The following TBC1D9B variants were observed in gnomAD, a reference collection of about 807,000 sequenced individuals.
The protein encoded by TBC1D9B is TBC1 domain family member 9B.
Under a neutral mutation model 121.1 loss-of-function variants are expected in TBC1D9B, and 87 were observed. The observed-to-expected ratio is 0.72, with a 90% CI of 0.60 to 0.86. The LOEUF (loss-of-function observed/expected upper bound fraction) is 0.86. TBC1D9B is among the 40% of genes least tolerant of loss of function. TBC1D9B has a pLI of 0.00. For missense variants in TBC1D9B, 1,540 were observed against 1,628.6 expected (o/e 0.95, Z 0.94); for synonymous variants, 668 against 670.1 (o/e 1.00, Z 0.05).
chr5:179,886,366 C>T (rs143348922), intron 7 of TBC1D9B, among the ~76,000 whole-genome samples: 17 of 152,264 alleles, frequency 1.1e-4, no homozygotes, highest in Admixed American at 2.6e-4. Flanking sequence ...TGCATGAAGC[C>T]GAGTGCCTGG....
chr5:179,870,482 G>T lies in TBC1D9B; in HGVS notation c.2498C>A (p.Ala833Asp). 6.2e-7 allele frequency: 1 copy of T among 1,609,530 alleles called. No individual in the cohort carries two copies. Reference sequence around the variant, plus strand: ...GCGGCTGCACCCCCAGTACTGGCTAGCCAGGTGCTTGGCCTGTGGGACACG... The same window carrying T: ...GCGGCTGCACCCCCAGTACTGGCTATCCAGGTGCTTGGCCTGTGGGACACG... ...LYMVFKAKHL[A>D]SQYWGCSRTM... The change falls in exon 16 of 21, where the codon GCT (alanine) becomes GAT (aspartate). Residue 833 changes from alanine (A) to aspartate (D), a missense_variant. Transcript: ENST00000355235.
rs770380439 is a variant in TBC1D9B, at chr5:179,907,783, C to T, written c.39G>A (p.Ala13=). 4.8e-5 allele frequency: 59 copies of T among 1,227,244 alleles called. 1 individual carries two copies. In the African/African-American group the frequency reaches 9.2e-4, roughly 19 times the overall value. 76.0% of individuals were successfully genotyped at this position (1,227,244 alleles called of 1,614,324 possible). A position where few individuals can be genotyped will look rare whatever the true frequency, so the allele number is the denominator to read the frequency against. The change falls in exon 1 of 21, where the codon GCG becomes GCA. Residue 13 remains alanine (A), a synonymous_variant. Transcript: ENST00000355235. This position sits in a 1 kb window ranked among gnomAD's most constrained non-coding sequence, Gnocchi z 5.3. ...GGTTGGCCCGCTCCGTCACCCACAG[C>T]GCATTGGCCACCAGCACCTCCTCCG... ...LSPEEVLVAN[A]LWVTERANPF...
At chr5:179,877,410 C>T (rs1418758213) in intron 10 of TBC1D9B, among the ~76,000 whole-genome samples, 1 of 150,802 alleles carries the variant, frequency 6.6e-6, no homozygotes, top group Non-Finnish European at 1.5e-5. Context: ...CGCCTGTAAT[C>T]CCAGCACTTT....
chr5:179,879,115 T>A lies in TBC1D9B; in HGVS notation c.1499A>T (p.Lys500Met). ...ACCCTTCAGGACCAGTGCCCGCGTC[T>A]TGGCTGTGCGGTACATGCACACGCC... ...GRGVCMYRTA[K>M]TRALVLKGIP... Residue 500 changes from lysine to methionine, a missense_variant, in exon 9 of 21, where the codon AAG becomes ATG. Coordinates refer to ENST00000355235, the MANE Select transcript of TBC1D9B (RefSeq NM_015043.4). 1 of 1,608,076 alleles carries A rather than the reference T, an allele frequency of 6.2e-7. No individual in the cohort carries two copies.
intron 17 of TBC1D9B, 174 bp from the exon 18 acceptor site, chr5:179,868,023 G>C (rs1275473060): frequency 4.1e-6 from 2 of 485,188 alleles, no homozygotes; most frequent in Non-Finnish European, 6.9e-6. Flanking sequence ...GATTGGTTCT[G>C]GTTATTTGTT....
intron 5 of TBC1D9B, among the ~76,000 whole-genome samples, chr5:179,892,491 G>A (rs1760894781): frequency 1.3e-5 from 2 of 152,246 alleles, no homozygotes; most frequent in South Asian, 4.1e-4. Flanking sequence ...CAGAGATCTT[G>A]TCCAGCCTCT....
intron 10 of TBC1D9B, among the ~76,000 whole-genome samples, chr5:179,877,270 A>G (rs147803780): frequency 0.011 from 1,646 of 151,856 alleles, 32 homozygotes; most frequent in African/African-American, 0.038. Context: ...GGAGGCTGAG[A>G]CCGGAAGATC....
Position 179,879,730 on chromosome 5 carries a change from G to C in TBC1D9B, c.1314C>G (p.Ser438Arg). 1 of 1,614,166 alleles carries C rather than the reference G, an allele frequency of 6.2e-7. No homozygotes were observed. The highest frequency in any genetic ancestry group is 8.5e-7 in the Non-Finnish European group (1 of 1,180,026). Residue 438 changes from serine (S) to arginine (R), a missense_variant, in exon 8 of 21, where the codon AGC becomes AGG. Coordinates refer to ENST00000355235, the MANE Select transcript of TBC1D9B (RefSeq NM_015043.4). ...EQPASPASPL[S>R]SRQSFCAQEA... ...CCTGCGCACAGAAGCTCTGGCGGCT[G>C]CTGAGGGGAGAGGCTGGGCTGGCGG...
Position 179,879,186 on chromosome 5 carries a change from C to G in TBC1D9B, c.1428G>C (p.Lys476Asn). 1 of 1,601,610 alleles carries G rather than the reference C, an allele frequency of 6.2e-7. No individual in the cohort carries two copies. Among genetic ancestry groups the G allele is most frequent in the Non-Finnish European group, 8.5e-7 (1 of 1,178,936 alleles). Residue 476 changes from lysine to asparagine, a missense_variant, in exon 9 of 21, where the codon AAG (lysine) becomes AAC (asparagine). Transcript: ENST00000355235. ...EDLGAKGAKE[K>N]MKEESWHIHF... ...GGATGTGCCATGACTCCTCTTTCAT[C>G]TTCTCCTTGGCCTGAGGGAAAAGCG...
Position 179,901,192 on chromosome 5 carries a change from A to T in TBC1D9B, c.230-1885T>A, listed in dbSNP as rs995278494. Among the ~76,000 whole-genome samples the T allele has an allele frequency of 5.3e-4, 80 of 152,264 alleles. 1 individual carries two copies. Among genetic ancestry groups the T allele is most frequent in the African/African-American group, 1.8e-3 (74 of 41,540 alleles). On this transcript the variant is annotated intron_variant, in intron 2 of 20. Coordinates refer to ENST00000355235, the MANE Select transcript of TBC1D9B (RefSeq NM_015043.4). Reference sequence around the variant, plus strand: ...GCAGTGAGTCACAAAAGGCCCCCAGAATTACTCCTGGAAGCCCCTTAAGTC... The same window carrying T: ...GCAGTGAGTCACAAAAGGCCCCCAGTATTACTCCTGGAAGCCCCTTAAGTC...
intron 10 of TBC1D9B, among the ~76,000 whole-genome samples, chr5:179,877,141 T>C (rs1190313180): frequency 2.7e-5 from 4 of 149,994 alleles, no homozygotes; most frequent in African/African-American, 9.9e-5. Flanking sequence ...TCCCAGCACT[T>C]TGAGAGGCTG....
At position 179,879,251 on chromosome 5, in the gene TBC1D9B, AG is replaced by A. The variant is rs1760460621; in HGVS notation, c.1417-55del. 13 of 1,566,376 alleles carry A rather than the reference AG, an allele frequency of 8.3e-6. No individual in the cohort carries two copies. The South Asian group carries it at 1.4e-4, about 17-fold the overall frequency. On this transcript the variant is annotated intron_variant, in intron 8 of 20. Transcript: ENST00000355235. ...GGGGCCGAAGCGCATCTGAGTGCCG[AG>A]GCCTAGGCCACCGCGGAAGCCTCGT...
chr5:179,863,927 G>A lies in TBC1D9B; in HGVS notation c.3223C>T (p.His1075Tyr). Reference protein sequence around the residue: ...EEDEPPAPELHQDAARELQPP... With the variant: ...EEDEPPAPELYQDAARELQPP... ...TGAAGCTCCCTGGCTGCGTCCTGAT[G>A]CAGTTCGGGTGCTGGTGGCTCGTCC... Residue 1075 changes from histidine (H) to tyrosine (Y), a missense_variant, in exon 21 of 21, where the codon CAT (histidine) becomes TAT (tyrosine). Coordinates refer to ENST00000355235, the MANE Select transcript of TBC1D9B (RefSeq NM_015043.4). The surrounding 1 kb of genome is among the most constrained non-coding windows in gnomAD (Gnocchi z 4.5). 2 of 1,613,904 alleles carry A rather than the reference G, an allele frequency of 1.2e-6. No homozygotes were observed. Among genetic ancestry groups the A allele is most frequent in the Non-Finnish European group, 1.7e-6 (2 of 1,180,026 alleles).
chr5:179,870,402 C>T lies in TBC1D9B; in HGVS notation c.2578G>A (p.Asp860Asn), dbSNP rs760046905. 6.2e-7 allele frequency: 1 copy of T among 1,613,728 alleles called. No individual in the cohort carries two copies. The highest frequency in any genetic ancestry group is 1.3e-5 in the African/African-American group (1 of 75,068). Residue 860 changes from aspartate to asparagine, a missense_variant, in exon 16 of 21, where the codon GAT becomes AAT. Coordinates refer to ENST00000355235, the MANE Select transcript of TBC1D9B (RefSeq NM_015043.4). The stretch of plus-strand genomic sequence containing the variant: ...AAGAGTTCCCGGAACTGGCTGGCAT[C>T]AATCCGGTACTGCTCCAGGTAGGGC... ...SLPYLEQYRI[D>N]ASQFRELFAS...
chr5:179,867,410 G>A (rs1381579139), intron 18 of TBC1D9B: 1 of 1,543,990 alleles, frequency 6.5e-7, no homozygotes. Flanking sequence ...AGTGTTAGGA[G>A]GTACAGGGGG....
rs983632580 is a variant in TBC1D9B, at chr5:179,874,618, G to C, written c.2186+284C>G. The stretch of plus-strand genomic sequence containing the variant: ...TTGTGGTCACTGGATCTTGGCTCTG[G>C]TTTGCCCTCAGGGGAAGCATCTCCA... On this transcript the variant is annotated intron_variant, in intron 12 of 20. Transcript: ENST00000355235. The surrounding 1 kb of genome is among the most constrained non-coding windows in gnomAD (Gnocchi z 4.3). 5.3e-5 allele frequency among the ~76,000 whole-genome samples: 8 copies of C among 152,194 alleles called. No individual in the cohort carries two copies. The highest frequency in any genetic ancestry group is 7.2e-5 in the African/African-American group (3 of 41,452).
At chr5:179,900,125 T>A (rs1249822332) in intron 2 of TBC1D9B, among the ~76,000 whole-genome samples, 1 of 151,762 alleles carries the variant, frequency 6.6e-6, no homozygotes, top group Non-Finnish European at 1.5e-5. Context: ...GATGCTGAGG[T>A]GGGAGGATTG....
Position 179,863,241 on chromosome 5 carries a change from A to C in TBC1D9B, c.*207T>G, listed in dbSNP as rs1759898786. On this transcript the variant is annotated 3_prime_UTR_variant, in exon 21 of 21. Coordinates refer to ENST00000355235, the MANE Select transcript of TBC1D9B (RefSeq NM_015043.4). The surrounding 1 kb of genome is among the most constrained non-coding windows in gnomAD (Gnocchi z 4.5). ...GCCACAGCCTCTTCCTGGGCCCAGA[A>C]GCAGCCGGCGCCAGGAGATGCAGGC... The C allele has an allele frequency of 1.7e-6, 1 of 602,704 alleles. No individual in the cohort carries two copies. The highest frequency in any genetic ancestry group is 1.9e-5 in the African/African-American group (1 of 53,898). The allele number at this position is 602,704 out of a possible 1,614,324, so 37.3% of individuals were successfully genotyped here.
At chr5:179,873,366 A>G in intron 12 of TBC1D9B, 118 bp from the exon 13 acceptor site, 1 of 1,404,228 alleles carries the variant, frequency 7.1e-7, no homozygotes, top group Non-Finnish European at 9.4e-7. Context: ...AGGAGTGTGC[A>G]GAGGACTGGG....
Sources: gnomAD v4.1 joint callset for allele counts (sites outside exome capture counted in the v4.1 genomes callset) on GRCh38, gnomAD v4.1.1 for gene constraint, Gnocchi (gnomAD v3.1) non-coding constraint, MANE v1.5 for transcripts, NCBI Gene and HGNC (gene_info 2026-07-23, HGNC 2026-07-21) for gene names.